RTCB: variants seen among roughly 807,000 people sequenced by gnomAD.
RTCB encodes the protein RNA-splicing ligase RTCB.
In RTCB, 32 loss-of-function variants were observed where a neutral mutation model predicts 58.2. That is an observed-to-expected ratio of 0.55 (90% CI 0.41 to 0.74). RTCB has a LOEUF of 0.74. Among genes scored for constraint, RTCB ranks in the 30% least tolerant of loss-of-function variants. RTCB has a pLI of 0.00. For missense variants in RTCB, 523 were observed against 639.0 expected (o/e 0.82, Z 1.96); for synonymous variants, 247 against 218.6 (o/e 1.13, Z -1.15).
intron 5 of RTCB, among the ~76,000 whole-genome samples, chr22:32,401,087 T>TA (rs1933328172): frequency 1.4e-5 from 2 of 143,554 alleles, no homozygotes; most frequent in Non-Finnish European, 3.0e-5. Context: ...TATCACCTAC[T>TA]AAGTTTTTTT....
chr22:32,398,245 G>C (rs946179060), intron 6 of RTCB, 145 bp from the exon 7 acceptor site: 4 of 876,676 alleles, frequency 4.6e-6, no homozygotes, highest in Non-Finnish European at 3.5e-6. Context: ...CTAAGCTATA[G>C]AAGTGTTTCA....
chr22:32,399,503 T>C, intron 6 of RTCB, 100 bp downstream of exon 6: 1 of 1,139,262 alleles, frequency 8.8e-7, no homozygotes, highest in Non-Finnish European at 1.2e-6. Context: ...TAAAAAAACC[T>C]GGGAATATGT....
At chr22:32,394,198 G>A (rs1055102297) in intron 9 of RTCB, among the ~76,000 whole-genome samples, 196 bp from the exon 10 acceptor site, 4 of 149,886 alleles carry the variant, frequency 2.7e-5, no homozygotes, top group Admixed American at 6.7e-5. Flanking sequence ...TGCAAGCTCC[G>A]CCTCCTGGGT....
chr22:32,402,640 G>A (rs1016494406), intron 4 of RTCB, among the ~76,000 whole-genome samples: 4 of 132,654 alleles, frequency 3.0e-5, no homozygotes, highest in African/African-American at 1.1e-4. Context: ...TAGTAGAGAC[G>A]GGGTTTCACC....
Position 32,401,090 on chromosome 22 carries a change from GT to G in RTCB, c.497+656del, listed in dbSNP as rs536914312. Among the ~76,000 whole-genome samples the G allele has an allele frequency of 3.0e-3, 409 of 136,674 alleles. 1 individual carries two copies. Among genetic ancestry groups the G allele is most frequent in the South Asian group, 4.3e-3 (18 of 4,140 alleles). 89.7% of individuals were successfully genotyped at this position (136,674 alleles called of 152,430 possible). ...TTTGAATCCTGATATCACCTACTAA[GT>G]TTTTTTTTTTTTTTTTTTAATTGAG... On this transcript the variant is annotated intron_variant, in intron 5 of 11. Transcript: ENST00000216038.
intron 5 of RTCB, among the ~76,000 whole-genome samples, chr22:32,400,295 C>T (rs780117443): frequency 2.0e-5 from 3 of 152,114 alleles, no homozygotes; most frequent in South Asian, 2.1e-4. Context: ...GAGTGGCTTA[C>T]GGCACCTCCA....
chr22:32,390,699 C>G (rs1370651969), intron 11 of RTCB, among the ~76,000 whole-genome samples: 1 of 152,206 alleles, frequency 6.6e-6, no homozygotes, highest in Non-Finnish European at 1.5e-5. Context: ...CCACCCGCCT[C>G]AGCCTCCCAA....
rs1933080683 is a variant in RTCB at position 32,387,669 on chromosome 22, T to C, written c.*323A>G. Reference sequence around the variant, plus strand: ...CTTGGTGTGAAGAAGATCAATCTGATGGCTAAAGATCAGTATGACTGCGTA... The same window carrying C: ...CTTGGTGTGAAGAAGATCAATCTGACGGCTAAAGATCAGTATGACTGCGTA... On this transcript the variant is annotated 3_prime_UTR_variant, in exon 12 of 12. Transcript: ENST00000216038. The C allele has an allele frequency of 4.3e-6, 1 of 233,104 alleles. No individual in the cohort carries two copies. Among genetic ancestry groups the C allele is most frequent in the South Asian group, 9.6e-5 (1 of 10,372 alleles). The allele number at this position is 233,104 out of a possible 1,614,324, so 14.4% of individuals were successfully genotyped here.
chr22:32,399,689 T>C lies in RTCB; in HGVS notation c.568A>G (p.Lys190Glu). The C allele has an allele frequency of 6.2e-7, 1 of 1,614,112 alleles. No homozygotes were observed. Among genetic ancestry groups the C allele is most frequent in the Non-Finnish European group, 8.5e-7 (1 of 1,180,004 alleles). Residue 190 changes from lysine (K) to glutamate (E), a missense_variant, in exon 6 of 12, where the codon AAG becomes GAG. This residue lies in a region of RTCB where 141 missense variants were observed against 216.7 expected (regional missense o/e 0.65). Coordinates refer to ENST00000216038, the MANE Select transcript of RTCB (RefSeq NM_014306.5). Reference sequence around the variant, plus strand: ...CTTCCGTACTCCTCGCAGTGCTCCTTGTCTTCAGCCCAGGCATACCCTTCT... The same window carrying C: ...CTTCCGTACTCCTCGCAGTGCTCCTCGTCTTCAGCCCAGGCATACCCTTCT... The part of the protein sequence containing the change: ...LREGYAWAED[K>E]EHCEEYGRML...
At position 32,395,041 on chromosome 22, in the gene RTCB, A is replaced by C; in HGVS notation, c.1164T>G (p.Ile388Met). Residue 388 changes from isoleucine (I) to methionine (M), a missense_variant, in exon 9 of 12, where the codon ATT becomes ATG. By Grantham distance (10) the Ile-to-Met change is conservative (BLOSUM62 1). Around this residue, in one of 3 missense-constraint regions of RTCB, gnomAD observed 248 missense variants for 292.5 expected, o/e 0.85. Transcript: ENST00000216038. ...TRAFPPHHPL[I>M]AVDYQLTGQP... ...AGCTACGTACTTGGTAATCAACAGC[A>C]ATGAGGGGATGGTGAGGAGGGAAAG... is the stretch of plus-strand genomic sequence containing the variant. 2 of 1,613,920 alleles carry C rather than the reference A, an allele frequency of 1.2e-6. No individual in the cohort carries two copies. The highest frequency in any genetic ancestry group is 1.7e-6 in the Non-Finnish European group (2 of 1,179,834).
chr22:32,398,316 A>G (rs1933279362), intron 6 of RTCB, among the ~76,000 whole-genome samples: 1 of 152,196 alleles, frequency 6.6e-6, no homozygotes, highest in African/African-American at 2.4e-5. Context: ...TTATATCATT[A>G]TATGCTTGGT....
intron 3 of RTCB, 115 bp downstream of exon 3, chr22:32,408,060 A>G (rs941127639): frequency 6.5e-6 from 6 of 920,826 alleles, no homozygotes; most frequent in Non-Finnish European, 1.0e-5. Context: ...CTTCATGGTT[A>G]TGTCTGGCTG....
At chr22:32,404,976 C>A (rs1205712521) in intron 4 of RTCB, among the ~76,000 whole-genome samples, 1 of 151,978 alleles carries the variant, frequency 6.6e-6, no homozygotes, top group East Asian at 1.9e-4. Flanking sequence ...TTATTTAAAC[C>A]ATTTCTAATT....
chr22:32,394,405 C>A (rs1291975269), intron 9 of RTCB, among the ~76,000 whole-genome samples: 1 of 151,912 alleles, frequency 6.6e-6, no homozygotes, highest in Non-Finnish European at 1.5e-5. Flanking sequence ...GCCACCACAC[C>A]CGGCCGGAGA....
chr22:32,393,978 C>T lies in RTCB; in HGVS notation c.1204G>A (p.Gly402Ser). 6.2e-7 allele frequency: 1 copy of T among 1,613,664 alleles called. No individual in the cohort carries two copies. The highest frequency in any genetic ancestry group is 8.5e-7 in the Non-Finnish European group (1 of 1,179,542). ...YQLTGQPVLI[G>S]GTMGTCSYVL... ...TAACTACAGGTTCCCATGGTGCCAC[C>T]AATGAGCACTGGCTGTCCAGTGAGC... Residue 402 changes from glycine (G) to serine (S), a missense_variant, in exon 10 of 12, where the codon GGT (glycine) becomes AGT (serine). This residue lies in a region of RTCB where 248 missense variants were observed against 292.5 expected (regional missense o/e 0.85). Coordinates refer to ENST00000216038, the MANE Select transcript of RTCB (RefSeq NM_014306.5).
intron 7 of RTCB, 83 bp downstream of exon 7, chr22:32,397,858 C>G (rs1455056213): frequency 1.5e-6 from 2 of 1,299,148 alleles, no homozygotes; most frequent in Admixed American, 2.4e-5. Flanking sequence ...AAAACCCATG[C>G]AGTATATTTC....
rs138324706 is a variant in RTCB, at chr22:32,396,245, C to T, written c.819G>A (p.Ala273=). ...TCATGGCCTTCTCCATAGCTACCAG[C>T]GCATCTGGAACAAGAGCCACAAAGT... ...RGLGHQVATD[A]LVAMEKAMKR... is the part of the protein sequence containing the mutation. The change falls in exon 8 of 12, where the codon GCG becomes GCA. Residue 273 remains alanine, a synonymous_variant. Coordinates refer to ENST00000216038, the MANE Select transcript of RTCB (RefSeq NM_014306.5). 45 of 1,613,746 alleles carry T rather than the reference C, an allele frequency of 2.8e-5. No individual in the cohort carries two copies. In the East Asian group the frequency reaches 7.4e-4, roughly 26 times the overall value.
rs5754070 is a variant in RTCB at position 32,402,598 on chromosome 22, C to A, written c.341-695G>T. Among the ~76,000 whole-genome samples, 929 of 148,240 alleles carry A rather than the reference C, an allele frequency of 6.3e-3. 12 individuals carry two copies. The highest frequency in any genetic ancestry group is 0.038 in the East Asian group (143 of 3,784). On this transcript the variant is annotated intron_variant, in intron 4 of 11. Coordinates refer to ENST00000216038, the MANE Select transcript of RTCB (RefSeq NM_014306.5). ...CCGAATAGCTGAGATTACAGGCGTG[C>A]GCCACCACACCCAGCTAATTTCTTT...
intron 11 of RTCB, among the ~76,000 whole-genome samples, chr22:32,390,790 T>A (rs1195271463): frequency 6.6e-6 from 1 of 152,120 alleles, no homozygotes; most frequent in Non-Finnish European, 1.5e-5. Flanking sequence ...ATTCTTAAGA[T>A]CAGGGGAAAA....
Sources: gnomAD v4.1 joint callset for allele counts (sites outside exome capture counted in the v4.1 genomes callset) on GRCh38, gnomAD v4.1.1 for gene constraint, gnomAD v4.1.1 regional missense constraint, MANE v1.5 for transcripts, NCBI Gene and HGNC (gene_info 2026-07-23, HGNC 2026-07-21) for gene names.